SPPL3: variants seen among roughly 807,000 people sequenced by gnomAD.
SPPL3 encodes the protein signal peptide peptidase like 3, also known as signal peptide peptidase-like 3.
SPPL3 carries 5 observed loss-of-function variants against 42.4 expected under a neutral mutation model. That is an observed-to-expected ratio of 0.12 (90% CI 0.06 to 0.25). The LOEUF (loss-of-function observed/expected upper bound fraction) is 0.25, where lower values mean the gene tolerates loss of function less well. Ranked by LOEUF, SPPL3 falls within the 10% of genes least tolerant of loss-of-function variation. SPPL3 has a pLI of 1.00. For missense variants in SPPL3, 235 were observed against 489.0 expected, an observed-to-expected ratio of 0.48 and a Z score of 4.90; for synonymous variants, 195 against 181.8, an observed-to-expected ratio of 1.07 and a Z score of -0.58.
intron 1 of SPPL3, among the ~76,000 whole-genome samples, chr12:120,825,256 C>A (rs1871204169): frequency 6.6e-6 from 1 of 152,012 alleles, no homozygotes; most frequent in South Asian, 2.1e-4. Context: ...TATAATCCAG[C>A]CAATTATTTA....
At chr12:120,853,845 G>A (rs978890336) in intron 1 of SPPL3, among the ~76,000 whole-genome samples, 3 of 152,070 alleles carry the variant, frequency 2.0e-5, no homozygotes, top group African/African-American at 7.2e-5. Flanking sequence ...CATTTTCATA[G>A]CAATTCAGAA....
At chr12:120,870,891 G>T (rs540192901) in intron 1 of SPPL3, among the ~76,000 whole-genome samples, 88 of 152,008 alleles carry the variant, frequency 5.8e-4, no homozygotes, top group Non-Finnish European at 8.2e-4. Flanking sequence ...ACTTTGGGAG[G>T]CGGAGGCGGG....
chr12:120,870,353 G>A (rs1872883992), intron 1 of SPPL3, among the ~76,000 whole-genome samples: 2 of 152,188 alleles, frequency 1.3e-5, no homozygotes, highest in Non-Finnish European at 2.9e-5. Context: ...GCTGAGGCAG[G>A]AGAATCACTT....
chr12:120,837,819 C>T (rs1871673109), intron 1 of SPPL3, among the ~76,000 whole-genome samples: 1 of 151,362 alleles, frequency 6.6e-6, no homozygotes, highest in Admixed American at 6.6e-5. Flanking sequence ...GCAGCTGTTA[C>T]ATACACACAC....
At chr12:120,900,836 T>C (rs1045675437) in intron 1 of SPPL3, among the ~76,000 whole-genome samples, 1 of 150,234 alleles carries the variant, frequency 6.7e-6, no homozygotes, top group African/African-American at 2.5e-5. Context: ...GCAGGAGAAT[T>C]GTCTGAACCT....
In SPPL3 at chr12:120,809,598, T is replaced by G. The variant is rs115499653; in HGVS notation, c.101+1211A>C. ...ATTTTCTGGTAGGTTCATCAGCCAC[T>G]AAACTATTTGAGTTATACAACCATT... On this transcript the variant is annotated intron_variant, in intron 2 of 10. Transcript: ENST00000353487. Among the ~76,000 whole-genome samples, 515 of 152,332 alleles carry G rather than the reference T, an allele frequency of 3.4e-3. 4 individuals carry two copies. The highest frequency in any genetic ancestry group is 0.012 in the African/African-American group (498 of 41,570).
intron 1 of SPPL3, among the ~76,000 whole-genome samples, chr12:120,869,226 GACT>G (rs1872850801): frequency 6.6e-6 from 1 of 152,184 alleles, no homozygotes; most frequent in African/African-American, 2.4e-5. Flanking sequence ...GTCGAATGGT[GACT>G]ACGATACCAT....
At chr12:120,868,570 C>T (rs1211924785) in intron 1 of SPPL3, among the ~76,000 whole-genome samples, 1 of 152,184 alleles carries the variant, frequency 6.6e-6, no homozygotes, top group Non-Finnish European at 1.5e-5. Flanking sequence ...AAACCTCCAC[C>T]TCCTGGGTTC....
chr12:120,807,438 G>C (rs968391467), intron 2 of SPPL3, among the ~76,000 whole-genome samples: 1 of 152,158 alleles, frequency 6.6e-6, no homozygotes, highest in Non-Finnish European at 1.5e-5. Flanking sequence ...CACTTTGGGA[G>C]GCCGAGGCGG....
At chr12:120,867,640 C>A (rs930270266) in intron 1 of SPPL3, among the ~76,000 whole-genome samples, 1 of 107,648 alleles carries the variant, frequency 9.3e-6, no homozygotes, top group Non-Finnish European at 1.9e-5. Context: ...GGCTACAGAG[C>A]GAGACTCTGT....
intron 1 of SPPL3, among the ~76,000 whole-genome samples, chr12:120,818,104 T>C (rs1870940725): frequency 6.6e-6 from 1 of 152,210 alleles, no homozygotes; most frequent in African/African-American, 2.4e-5. Context: ...AAATGTGTCA[T>C]TCTTCAGGCC....
intron 10 of SPPL3, 82 bp from the exon 11 acceptor site, chr12:120,765,152 T>TC: frequency 7.3e-7 from 1 of 1,370,986 alleles, no homozygotes; most frequent in Non-Finnish European, 9.9e-7. Context: ...AAAAAAAATT[T>TC]TTTTTCCAGG....
intron 6 of SPPL3, among the ~76,000 whole-genome samples, chr12:120,777,847 A>G (rs1262672972): frequency 6.6e-6 from 1 of 152,166 alleles, no homozygotes; most frequent in African/African-American, 2.4e-5. Context: ...TAAACAAATG[A>G]CCAAACCTGT....
chr12:120,786,853 TAAAAAC>T (rs1001860026), intron 3 of SPPL3, among the ~76,000 whole-genome samples: 3 of 152,048 alleles, frequency 2.0e-5, no homozygotes, highest in South Asian at 4.1e-4. Flanking sequence ...TCCAGTAACT[TAAAAAC>T]AAAGCAAAAC....
intron 3 of SPPL3, among the ~76,000 whole-genome samples, chr12:120,785,565 A>G (rs1869693531): frequency 6.6e-6 from 1 of 152,176 alleles, no homozygotes; most frequent in African/African-American, 2.4e-5. Context: ...TGAATGAAAA[A>G]AAAAATTACC....
intron 1 of SPPL3, among the ~76,000 whole-genome samples, chr12:120,881,426 C>T (rs1380346450): frequency 7.3e-6 from 1 of 136,582 alleles, no homozygotes; most frequent in Non-Finnish European, 1.5e-5. Flanking sequence ...CAAGACAGCG[C>T]CACAGAACTC....
chr12:120,848,377 C>A (rs1343288232), intron 1 of SPPL3, among the ~76,000 whole-genome samples: 1 of 152,146 alleles, frequency 6.6e-6, no homozygotes, highest in East Asian at 1.9e-4. Flanking sequence ...GTTATTCTCA[C>A]AATCACAGAA....
chr12:120,886,135 G>A (rs1349984743), intron 1 of SPPL3, among the ~76,000 whole-genome samples: 10 of 149,910 alleles, frequency 6.7e-5, no homozygotes, highest in East Asian at 1.9e-4. Context: ...GAGCCACCAC[G>A]CCCGGCCAAA....
chr12:120,889,026 C>T (rs1263670013), intron 1 of SPPL3, among the ~76,000 whole-genome samples: 1 of 152,066 alleles, frequency 6.6e-6, no homozygotes, highest in Non-Finnish European at 1.5e-5. Flanking sequence ...GTTGGCGAGG[C>T]TGGTCTTGAA....
Sources: gnomAD v4.1 joint callset for allele counts (sites outside exome capture counted in the v4.1 genomes callset) on GRCh38, gnomAD v4.1.1 for gene constraint, MANE v1.5 for transcripts, NCBI Gene and HGNC (gene_info 2026-07-23, HGNC 2026-07-21) for gene names.